POLR3G: variants seen among roughly 807,000 people sequenced by gnomAD.
The protein encoded by POLR3G is DNA-directed RNA polymerase III subunit RPC7.
In POLR3G, 28 loss-of-function variants were observed where a neutral mutation model predicts 30.1. The ratio of observed to expected loss-of-function variants is 0.93; its 90% CI spans 0.69 to 1.27. The LOEUF (loss-of-function observed/expected upper bound fraction) is 1.27. Ranked by LOEUF, POLR3G falls within the 50% of genes most tolerant of loss-of-function variation. The probability of loss-of-function intolerance (pLI) is 0.00; values close to 1 mark genes in which losing one functional copy is unlikely to be tolerated. For missense variants in POLR3G, 254 were observed against 264.6 expected (o/e 0.96, Z 0.28); for synonymous variants, 79 against 82.5 (o/e 0.96, Z 0.23).
chr5:90,497,859 A>C, intron 5 of POLR3G, 153 bp downstream of exon 5: 2 of 916,170 alleles, frequency 2.2e-6, no homozygotes, highest in Non-Finnish European at 3.0e-6. Flanking sequence ...TAATCTCAGC[A>C]TTTCGGGAGG....
chr5:90,481,566 CA>C (rs1410195487), intron 1 of POLR3G, among the ~76,000 whole-genome samples: 9 of 152,040 alleles, frequency 5.9e-5, no homozygotes, highest in African/African-American at 2.2e-4. Context: ...CCAACTGATT[CA>C]AAATCTGCCT....
At chr5:90,504,795 G>T (rs1268086357) in intron 6 of POLR3G, among the ~76,000 whole-genome samples, 1 of 152,120 alleles carries the variant, frequency 6.6e-6, no homozygotes, top group Admixed American at 6.5e-5. Flanking sequence ...ATATGTGTGT[G>T]TATATCTTAT....
intron 2 of POLR3G, among the ~76,000 whole-genome samples, chr5:90,487,357 C>CT (rs397697024): frequency 0.34 from 25,336 of 73,550 alleles, 2,897 homozygotes; most frequent in East Asian, 0.44. Context: ...CTTAGTTTTT[C>CT]TTTTTTTTTT....
intron 6 of POLR3G, among the ~76,000 whole-genome samples, chr5:90,504,498 C>G (rs1752396536): frequency 6.6e-6 from 1 of 150,998 alleles, no homozygotes; most frequent in South Asian, 2.1e-4. Flanking sequence ...GGAGGTGGAG[C>G]TTGCAGTGAG....
intron 1 of POLR3G, among the ~76,000 whole-genome samples, chr5:90,475,335 C>G (rs1303686578): frequency 6.6e-6 from 1 of 152,098 alleles, no homozygotes. Flanking sequence ...AGGCACTAGT[C>G]ATTGCCGCAG....
intron 4 of POLR3G, among the ~76,000 whole-genome samples, chr5:90,496,662 T>G (rs1456616369): frequency 3.3e-5 from 5 of 152,246 alleles, no homozygotes; most frequent in African/African-American, 4.8e-5. Flanking sequence ...GCCAATACTG[T>G]TAGAACCCAG....
chr5:90,495,162 G>A (rs1186983762), intron 3 of POLR3G, among the ~76,000 whole-genome samples: 1 of 152,160 alleles, frequency 6.6e-6, no homozygotes, highest in Non-Finnish European at 1.5e-5. Flanking sequence ...ACTTGACATA[G>A]AAGAAAAATC....
upstream of POLR3G, chr5:90,474,408 G>A (rs967184084): frequency 3.3e-5 from 31 of 952,932 alleles, no homozygotes; most frequent in African/African-American, 5.0e-4. Context: ...CAGGGAGGAG[G>A]CGTAGAGCGA....
chr5:90,509,107 A>G (rs1425974373), intron 7 of POLR3G, among the ~76,000 whole-genome samples: 1 of 152,246 alleles, frequency 6.6e-6, no homozygotes, highest in African/African-American at 2.4e-5. Context: ...TGCATCTTCT[A>G]TATGCCAGGC....
rs773881344 is a variant in POLR3G, at chr5:90,478,569, C to CTTTTT, written c.-44+3562_-44+3566dup. ...AATGGGAGGTTTAATCTGCGTGGTTCTTTTTTTTTTTTTTTTTGAGAGGGA... is the reference window on the plus strand; with the variant it reads ...AATGGGAGGTTTAATCTGCGTGGTTCTTTTTTTTTTTTTTTTTTTTTTGAGAGGGA... On this transcript the variant is annotated intron_variant, in intron 1 of 7. Coordinates refer to ENST00000651687, the MANE Select transcript of POLR3G (RefSeq NM_006467.3). Among the ~76,000 whole-genome samples the CTTTTT allele has an allele frequency of 1.4e-4, 11 of 79,332 alleles. 1 individual carries two copies. The highest frequency in any genetic ancestry group is 4.0e-4 in the African/African-American group (8 of 19,810). 52.0% of individuals were successfully genotyped at this position (79,332 alleles called of 152,430 possible).
At chr5:90,474,696 G>C (rs376124217), upstream of POLR3G, 2 of 236,626 alleles carry the variant, frequency 8.5e-6, no homozygotes, top group African/African-American at 4.7e-5. Flanking sequence ...GGAAGAGCTA[G>C]AACCGCCCAC....
upstream of POLR3G, chr5:90,474,253 C>A (rs1424133158): frequency 6.2e-7 from 1 of 1,613,498 alleles, no homozygotes; most frequent in Non-Finnish European, 8.5e-7. Flanking sequence ...AAGATACCAT[C>A]GCCTAGAGAC....
intron 1 of POLR3G, among the ~76,000 whole-genome samples, chr5:90,482,007 C>T (rs923199238): frequency 6.6e-6 from 1 of 152,068 alleles, no homozygotes; most frequent in Non-Finnish European, 1.5e-5. Flanking sequence ...AATATACTGA[C>T]TTTTGTGCAT....
In POLR3G at chr5:90,512,143, T is replaced by A; in HGVS notation, c.*4T>A. The A allele has an allele frequency of 6.4e-7, 1 of 1,574,634 alleles. No homozygotes were observed. The highest frequency in any genetic ancestry group is 8.7e-7 in the Non-Finnish European group (1 of 1,145,826). ...CATGGATGAGGCAACCTATTAGGCA[T>A]GAAATTTTTCAAAAAATATTTTTAT... On this transcript the variant is annotated 3_prime_UTR_variant, in exon 8 of 8. Transcript: ENST00000651687.
intron 7 of POLR3G, among the ~76,000 whole-genome samples, chr5:90,507,249 C>T (rs1752529741): frequency 6.6e-6 from 1 of 152,222 alleles, no homozygotes; most frequent in South Asian, 2.1e-4. Flanking sequence ...ACCACAGCCT[C>T]TTCGGGACTT....
chr5:90,488,023 A>C lies in POLR3G; in HGVS notation c.141A>C (p.Pro47=). Residue 47 remains proline (P), a synonymous_variant, in exon 3 of 8, where the codon CCA becomes CCC. Transcript: ENST00000651687. ...LFPDTDYKPV[P]LKTGEGEEYM... ...AGGATACAGATTATAAACCAGTGCCACTGAAAACAGGAGAAGGTGAAGAAT... is the reference window on the plus strand; with the variant it reads ...AGGATACAGATTATAAACCAGTGCCCCTGAAAACAGGAGAAGGTGAAGAAT... The C allele has an allele frequency of 6.2e-7, 1 of 1,605,822 alleles. No individual in the cohort carries two copies. Among genetic ancestry groups the C allele is most frequent in the Non-Finnish European group, 8.5e-7 (1 of 1,177,278 alleles).
At chr5:90,478,480 G>T (rs1750948346) in intron 1 of POLR3G, among the ~76,000 whole-genome samples, 1 of 151,414 alleles carries the variant, frequency 6.6e-6, no homozygotes, top group Admixed American at 6.6e-5. Context: ...CTTTTGTTAG[G>T]AATTAGCTTT....
intron 1 of POLR3G, among the ~76,000 whole-genome samples, chr5:90,477,866 G>C (rs1008971762): frequency 6.6e-6 from 1 of 152,210 alleles, no homozygotes; most frequent in Non-Finnish European, 1.5e-5. Context: ...TACAGAATTT[G>C]TGGGGGTTTA....
At chr5:90,493,676 A>ATTTTTTTTTTTTTTTT (rs70999488) in intron 3 of POLR3G, among the ~76,000 whole-genome samples, 1 of 51,466 alleles carries the variant, frequency 1.9e-5, no homozygotes. Context: ...CCACTATTTA[A>ATTTTTTTTTTTTTTTT]TTTTTTTTTT....
Sources: gnomAD v4.1 joint callset for allele counts (sites outside exome capture counted in the v4.1 genomes callset) on GRCh38, gnomAD v4.1.1 for gene constraint, MANE v1.5 for transcripts, NCBI Gene and HGNC (gene_info 2026-07-23, HGNC 2026-07-21) for gene names.